CC2D1B: variants seen among roughly 807,000 people sequenced by gnomAD.
The protein encoded by CC2D1B is coiled-coil and C2 domain containing 1B, also known as coiled-coil and C2 domain-containing protein 1B.
In CC2D1B, 92 loss-of-function variants were observed where a neutral mutation model predicts 110.8. The ratio of observed to expected loss-of-function variants is 0.83; its 90% CI spans 0.70 to 0.99. The LOEUF is 0.99. CC2D1B is among the 50% of genes least tolerant of loss of function. CC2D1B has a pLI of 0.00. For missense variants in CC2D1B, 1,136 were observed against 1,089.0 expected (o/e 1.04, Z -0.61); for synonymous variants, 406 against 429.2 (o/e 0.95, Z 0.67).
chr1:52,355,087 T>C, intron 21 of CC2D1B, 148 bp from the exon 22 acceptor site: 1 of 683,320 alleles, frequency 1.5e-6, no homozygotes, highest in Non-Finnish European at 2.6e-6. Flanking sequence ...AGCATCGCGG[T>C]CCTGGCCTTG....
At chr1:52,355,242 C>T (rs1285756297) in intron 21 of CC2D1B, among the ~76,000 whole-genome samples, 156 bp downstream of exon 21, 1 of 152,224 alleles carries the variant, frequency 6.6e-6, no homozygotes, top group Non-Finnish European at 1.5e-5. Context: ...TACCTCTCTG[C>T]GTGTTTCTCC....
rs556364803 is a variant in CC2D1B at position 52,352,841 on chromosome 1, A to ATAGT, written c.*380_*383dup. On this transcript the variant is annotated 3_prime_UTR_variant, in exon 25 of 25. Transcript: ENST00000284376. ...GATCACCCTCAAGTTCTCCCATCCC[A>ATAGT]TAGTTAGATCTTTTAAAGGCACATC... The ATAGT allele has an allele frequency of 1.5e-3, 242 of 162,978 alleles. 2 individuals are homozygous for ATAGT. Among genetic ancestry groups the ATAGT allele is most frequent in the African/African-American group, 5.3e-3 (222 of 41,778 alleles). 10.1% of individuals were successfully genotyped at this position (162,978 alleles called of 1,614,324 possible).
intron 12 of CC2D1B, 107 bp from the exon 13 acceptor site, chr1:52,358,568 G>T: frequency 1.3e-6 from 2 of 1,583,526 alleles, no homozygotes; most frequent in South Asian, 1.1e-5. Context: ...TGGCTGGGAT[G>T]GATGGCTCCA....
Position 52,355,781 on chromosome 1 carries a change from TG to T in CC2D1B, c.2117del (p.Pro706GlnfsTer6). ...HLIIVRGMNLPAPPGVTPDDL... is the reference protein window; with the variant it reads ...HLIIVRGMNLXAPPGVTPDDL... Reference sequence around the variant, plus strand: ...CGGCCCTAGGGTTACCTGGAGGGGCTGGGAGGTTCATTCCCCGGACAATGAT... The same window carrying T: ...CGGCCCTAGGGTTACCTGGAGGGGCTGGAGGTTCATTCCCCGGACAATGAT... On this transcript the variant is annotated frameshift_variant, in exon 19 of 25. Coordinates refer to ENST00000284376, the MANE Select transcript of CC2D1B (RefSeq NM_001330585.2). LOFTEE classifies it high-confidence loss of function. 2 of 1,614,122 alleles carry T rather than the reference TG, an allele frequency of 1.2e-6. No individual in the cohort carries two copies. The highest frequency in any genetic ancestry group is 2.2e-5 in the South Asian group (2 of 91,084).
chr1:52,359,433 C>G, intron 9 of CC2D1B, 26 bp downstream of exon 9: 1 of 1,613,754 alleles, frequency 6.2e-7, no homozygotes, highest in Non-Finnish European at 8.5e-7. Flanking sequence ...CCAACCCCAC[C>G]GCAGCCTGAG....
intron 1 of CC2D1B, among the ~76,000 whole-genome samples, chr1:52,365,505 T>C (rs1236927338): frequency 6.6e-6 from 1 of 152,240 alleles, no homozygotes; most frequent in Non-Finnish European, 1.5e-5. Flanking sequence ...CAATGGAACC[T>C]GAGGCCTGGT....
intron 2 of CC2D1B, among the ~76,000 whole-genome samples, chr1:52,363,306 A>G (rs1646821241): frequency 6.6e-6 from 1 of 151,830 alleles, no homozygotes; most frequent in South Asian, 2.1e-4. Context: ...GAGGCAGGAG[A>G]ATGGCGTGAA....
Position 52,353,072 on chromosome 1 carries a change from A to G in CC2D1B, c.*153T>C, listed in dbSNP as rs1440205310. The G allele has an allele frequency of 6.9e-6, 5 of 725,608 alleles. No homozygotes were observed. The highest frequency in any genetic ancestry group is 5.6e-5 in the African/African-American group (3 of 54,012). The allele number at this position is 725,608 out of a possible 1,614,324, so 44.9% of individuals were successfully genotyped here. A position where few individuals can be genotyped will look rare whatever the true frequency, so the allele number is the denominator to read the frequency against. On this transcript the variant is annotated 3_prime_UTR_variant, in exon 25 of 25. Coordinates refer to ENST00000284376, the MANE Select transcript of CC2D1B (RefSeq NM_001330585.2). Reference sequence around the variant, plus strand: ...AGAGGGGCCAACAACAGGAAAGACCAGAGTCGTGGTCAGTAGTGCACATGC... The same window carrying G: ...AGAGGGGCCAACAACAGGAAAGACCGGAGTCGTGGTCAGTAGTGCACATGC...
chr1:52,354,569 G>T (rs779464501), intron 23 of CC2D1B, 39 bp downstream of exon 23: 1 of 1,553,274 alleles, frequency 6.4e-7, no homozygotes. Flanking sequence ...GGCTCTTGTC[G>T]TACCAACCCC....
Position 52,358,695 on chromosome 1 carries a change from C to T in CC2D1B, c.1321G>A (p.Val441Ile), listed in dbSNP as rs1014360778. 1.2e-6 allele frequency: 2 copies of T among 1,613,212 alleles called. No homozygotes were observed. Among genetic ancestry groups the T allele is most frequent in the African/African-American group, 1.3e-5 (1 of 74,954 alleles). Residue 441 changes from valine to isoleucine, a missense_variant, in exon 12 of 25, where the codon GTT (valine) becomes ATT (isoleucine). By Grantham distance (29) the Val-to-Ile change is conservative. Coordinates refer to ENST00000284376, the MANE Select transcript of CC2D1B (RefSeq NM_001330585.2). ...GRKVNFAELP[V>I]PPGFPPIPGL... ...GCCATGCCCCACTTACCTGGAGGAA[C>T]AGGCAATTCAGCAAAGTTGACTTTC... is the stretch of plus-strand genomic sequence containing the variant.
chr1:52,356,757 G>T, intron 16 of CC2D1B: 1 of 596,938 alleles, frequency 1.7e-6, no homozygotes, highest in Non-Finnish European at 2.9e-6. Context: ...AAACATACAC[G>T]CACATCACAA....
rs773204135 is a variant in CC2D1B, at chr1:52,356,205, T to G, written c.2035A>C (p.Lys679Gln). 3.9e-5 allele frequency: 46 copies of G among 1,178,358 alleles called. No individual in the cohort carries two copies. The highest frequency in any genetic ancestry group is 5.3e-5 in the Non-Finnish European group (44 of 830,240). The allele number at this position is 1,178,358 out of a possible 1,614,324, so 73.0% of individuals were successfully genotyped here. The change falls in exon 18 of 25, where the codon AAG becomes CAG. Residue 679 changes from lysine (K) to glutamine (Q), a missense_variant. Lys to Gln is a moderately conservative substitution (Grantham distance 53). Coordinates refer to ENST00000284376, the MANE Select transcript of CC2D1B (RefSeq NM_001330585.2). The stretch of plus-strand genomic sequence containing the variant: ...TGGTACCTCACAGTCTGGAATGTCT[T>G]CAACTCAAAGTGGTGGGTGGGAGGG... Reference protein sequence around the residue: ...LDPPTHHFELKTFQTVRIFSE... With the variant: ...LDPPTHHFELQTFQTVRIFSE...
rs1054792455 is a variant in CC2D1B, at chr1:52,361,616, G to C, written c.215C>G (p.Ala72Gly). Residue 72 changes from alanine to glycine, a missense_variant and splice_region_variant, in exon 4 of 25, where the codon GCC becomes GGC. By Grantham distance (60) the Ala-to-Gly change is moderately conservative. Transcript: ENST00000284376. The part of the protein sequence containing the change: ...TGKKPAPKGQ[A>G]PLPMAHIEKL... ...CTCGATGTGGGCCATGGGCAGGGGGGCTGGGGGAAAAAGGTCACAACAAGT... is the reference window on the plus strand; with the variant it reads ...CTCGATGTGGGCCATGGGCAGGGGGCCTGGGGGAAAAAGGTCACAACAAGT... 6.2e-7 allele frequency: 1 copy of C among 1,613,700 alleles called. No homozygotes were observed. Among genetic ancestry groups the C allele is most frequent in the Non-Finnish European group, 8.5e-7 (1 of 1,180,008 alleles).
At position 52,362,621 on chromosome 1, in the gene CC2D1B, C is replaced by T. The variant is rs758230229; in HGVS notation, c.195G>A (p.Lys65=). Residue 65 remains lysine, a synonymous_variant, in exon 3 of 25, where the codon AAG becomes AAA. Transcript: ENST00000284376. ...ACTCACCCTGCCCCTTGGGTGCTGG[C>T]TTCTTGCCTGTGGTTTGTGCTTCCC... is the stretch of plus-strand genomic sequence containing the variant. ...LTGEAQTTGK[K]PAPKGQAPLP... is the part of the protein sequence containing the mutation. The T allele has an allele frequency of 1.2e-6, 2 of 1,614,126 alleles. No individual in the cohort carries two copies. The highest frequency in any genetic ancestry group is 3.3e-5 in the Admixed American group (2 of 60,018).
chr1:52,361,086 A>C lies in CC2D1B; in HGVS notation c.365T>G (p.Leu122Arg). ...TGGGTCAGCTACCTCATCACCATCC[A>C]GGGGCTCAGTCTCCTCGTCCACACC... ...VLGVDEETEP[L>R]DGDEVADPGG... Residue 122 changes from leucine (L) to arginine (R), a missense_variant, in exon 5 of 25, where the codon CTG becomes CGG. Physicochemically the swap from Leu to Arg is moderately radical, Grantham distance 102. Transcript: ENST00000284376. 2 of 1,614,028 alleles carry C rather than the reference A, an allele frequency of 1.2e-6. No homozygotes were observed. Among genetic ancestry groups the C allele is most frequent in the Non-Finnish European group, 1.7e-6 (2 of 1,179,972 alleles).
At chr1:52,357,286 C>G in intron 15 of CC2D1B, 160 bp from the exon 16 acceptor site, 1 of 956,430 alleles carries the variant, frequency 1.0e-6, no homozygotes, top group Non-Finnish European at 1.6e-6. Context: ...AACACTCTTG[C>G]CTCCCATGGC....
Position 52,356,997 on chromosome 1 carries a change from T to C in CC2D1B, c.1878+4A>G, listed in dbSNP as rs1229163261. ...GGGGAGGAACAGACGAGGGGCCTGC[T>C]GACCTCTTGTTGCTCCAGAAGCATT... On this transcript the variant is annotated splice_donor_region_variant and intron_variant, in intron 16 of 24. Coordinates refer to ENST00000284376, the MANE Select transcript of CC2D1B (RefSeq NM_001330585.2). 6.4e-7 allele frequency: 1 copy of C among 1,552,338 alleles called. No homozygotes were observed. Among genetic ancestry groups the C allele is most frequent in the East Asian group, 2.4e-5 (1 of 41,058 alleles).
In CC2D1B at chr1:52,354,958, G is replaced by C. The variant is rs377215355; in HGVS notation, c.2240-19C>G. The C allele has an allele frequency of 3.8e-6, 6 of 1,590,438 alleles. No individual in the cohort carries two copies. The highest frequency in any genetic ancestry group is 5.2e-6 in the Non-Finnish European group (6 of 1,158,472). On this transcript the variant is annotated intron_variant, in intron 21 of 24. Coordinates refer to ENST00000284376, the MANE Select transcript of CC2D1B (RefSeq NM_001330585.2). ...TCAAATTCTGGCAAAGGGGGAGAAA[G>C]CAAGGAGGGGCTTGGCTCTCGGGAT...
chr1:52,356,851 A>T, intron 16 of CC2D1B, 150 bp downstream of exon 16: 1 of 867,192 alleles, frequency 1.2e-6, no homozygotes, highest in Non-Finnish European at 1.7e-6. Flanking sequence ...AATGTAGTTC[A>T]GAGAAGAAAG....
Sources: allele counts gnomAD v4.1 joint callset (sites outside exome capture counted in the v4.1 genomes callset), GRCh38; gene constraint gnomAD v4.1.1; transcripts MANE v1.5; gene names NCBI Gene and HGNC (gene_info 2026-07-23, HGNC 2026-07-21).